NUDT14: variants seen among roughly 807,000 people sequenced by gnomAD.
NUDT14 encodes uridine diphosphate glucose pyrophosphatase NUDT14.
A neutral mutation model predicts 17.5 loss-of-function variants in NUDT14; 22 were observed. The observed-to-expected ratio is 1.26, with a 90% CI of 0.90 to 1.80. The LOEUF (loss-of-function observed/expected upper bound fraction) is 1.80. Ranked by LOEUF, NUDT14 falls within the 40% of genes most tolerant of loss-of-function variation. The probability of loss-of-function intolerance (pLI) is 0.00; values close to 1 mark genes in which losing one functional copy is unlikely to be tolerated. For synonymous variants in NUDT14, 129 were observed against 125.8 expected, an observed-to-expected ratio of 1.03 and a Z score of -0.17; for missense variants, 296 against 295.6, an observed-to-expected ratio of 1.00 and a Z score of -0.01.
chr14:105,175,133 G>A (rs904845733), intron 4 of NUDT14, among the ~76,000 whole-genome samples: 8 of 152,294 alleles, frequency 5.3e-5, no homozygotes, highest in East Asian at 1.9e-4. Flanking sequence ...TAGAACCACC[G>A]CGGCCAGGGC....
intron 1 of NUDT14, among the ~76,000 whole-genome samples, chr14:105,178,832 G>A (rs1202256525): frequency 1.3e-5 from 2 of 152,212 alleles, no homozygotes; most frequent in African/African-American, 2.4e-5. Context: ...AGGCAGAGGC[G>A]CAGAGGCCCT....
rs1889229176 is a variant in NUDT14 at position 105,177,013 on chromosome 14, A to T, written c.140T>A (p.Leu47Ter). Reference protein sequence around the residue: ...MKTHDSVTVLLFNSSRRSLVL... With the variant: ...MKTHDSVTVL ...CAGGCTCCTCCGAGAAGAGTTGAAT[A>T]AGAGAACGGTCACGCTGTGTACGGG... Residue 47 changes from leucine (L) to a stop codon, truncating the protein, a stop_gained, in exon 3 of 5, where the codon TTA (leucine) becomes TAA (stop). Transcript: ENST00000392568. LOFTEE classifies it high-confidence loss of function. 6.2e-7 allele frequency: 1 copy of T among 1,611,858 alleles called. No homozygotes were observed. Among genetic ancestry groups the T allele is most frequent in the Admixed American group, 1.7e-5 (1 of 59,988 alleles).
intron 1 of NUDT14, among the ~76,000 whole-genome samples, chr14:105,179,601 C>T (rs932448159): frequency 3.3e-5 from 5 of 152,242 alleles, no homozygotes; most frequent in African/African-American, 1.2e-4. Context: ...CCTGGGCCTG[C>T]ACCTGCTGCC....
rs1185470976 is a variant in NUDT14, at chr14:105,181,220, G to T, written c.-11C>A. Reference sequence around the variant, plus strand: ...CTCGATGCGCTCCATGGCGGCGCCCGGACAGGCGGGGGCCGCGAGCTCTGC... The same window carrying T: ...CTCGATGCGCTCCATGGCGGCGCCCTGACAGGCGGGGGCCGCGAGCTCTGC... On this transcript the variant is annotated 5_prime_UTR_variant, in exon 1 of 5. Transcript: ENST00000392568. The surrounding 1 kb of genome is among the most constrained non-coding windows in gnomAD (Gnocchi z 5.0). 3 of 1,070,240 alleles carry T rather than the reference G, an allele frequency of 2.8e-6. No homozygotes were observed. The highest frequency in any genetic ancestry group is 2.3e-6 in the Non-Finnish European group (2 of 867,948). The allele number at this position is 1,070,240 out of a possible 1,614,324, so 66.3% of individuals were successfully genotyped here. A position where few individuals can be genotyped will look rare whatever the true frequency, so the allele number is the denominator to read the frequency against.
intron 4 of NUDT14, among the ~76,000 whole-genome samples, chr14:105,174,145 G>A (rs1370026464): frequency 6.6e-6 from 1 of 152,118 alleles, no homozygotes; most frequent in Non-Finnish European, 1.5e-5. Context: ...GGAGGGGTAA[G>A]AGGAAGCCCC....
rs1889201960 is a variant in NUDT14 at position 105,175,882 on chromosome 14, G to C, written c.428+652C>G. Reference sequence around the variant, plus strand: ...CCCAGTGGAGCGGGCCCTGGCCTCTGGAGGAGGCTGTGGAGGCTGGTGCTC... The same window carrying C: ...CCCAGTGGAGCGGGCCCTGGCCTCTCGAGGAGGCTGTGGAGGCTGGTGCTC... On this transcript the variant is annotated intron_variant, in intron 4 of 4. Coordinates refer to ENST00000392568, the MANE Select transcript of NUDT14 (RefSeq NM_177533.5). 5.1e-6 allele frequency: 6 copies of C among 1,169,202 alleles called. No homozygotes were observed. In the South Asian group the frequency reaches 7.8e-5, roughly 15 times the overall value. 72.4% of individuals were successfully genotyped at this position (1,169,202 alleles called of 1,614,324 possible). A position where few individuals can be genotyped will look rare whatever the true frequency, so the allele number is the denominator to read the frequency against.
At chr14:105,177,238 T>C in intron 2 of NUDT14, 1 of 650,346 alleles carries the variant, frequency 1.5e-6, no homozygotes, top group Non-Finnish European at 2.8e-6. Context: ...ACCTGCTGTA[T>C]TCCAGCTGGC....
intron 4 of NUDT14, chr14:105,175,848 G>T: frequency 2.8e-6 from 3 of 1,077,872 alleles, no homozygotes; most frequent in Non-Finnish European, 3.4e-6. Context: ...AGAGACTTCC[G>T]GTGCTTCTCC....
In NUDT14 at chr14:105,178,760, G is replaced by A. The variant is rs587689648; in HGVS notation, c.82-1025C>T. Among the ~76,000 whole-genome samples the A allele has an allele frequency of 8.9e-4, 135 of 152,340 alleles. 1 individual carries two copies. In the Middle Eastern group the frequency reaches 0.01, roughly 12 times the overall value. On this transcript the variant is annotated intron_variant, in intron 1 of 4. Transcript: ENST00000392568. The stretch of plus-strand genomic sequence containing the variant: ...AGTGCAGCCAGGACTGCAGAAGAGA[G>A]AAGAAGCCTTCCTGAGGACTTTCTG...
At chr14:105,176,051 GCAGC>G in intron 4 of NUDT14, 2 of 1,192,576 alleles carry the variant, frequency 1.7e-6, no homozygotes, top group Non-Finnish European at 2.1e-6. Flanking sequence ...ACCCCAGCTG[GCAGC>G]CCTCGCGGGG....
intron 1 of NUDT14, among the ~76,000 whole-genome samples, chr14:105,180,248 T>G (rs923583776): frequency 6.6e-6 from 1 of 152,100 alleles, no homozygotes; most frequent in African/African-American, 2.4e-5. Flanking sequence ...GGAGGATCGG[T>G]TGAGGCCAGA....
chr14:105,178,932 GCCCGAGAGGCCGTGGGGTACCACT>G (rs1324893383), intron 1 of NUDT14, among the ~76,000 whole-genome samples: 2 of 152,124 alleles, frequency 1.3e-5, no homozygotes, highest in Admixed American at 6.5e-5. Flanking sequence ...AGGTCAGGCA[GCCCGAGAGGCCGTGGGGTACCACT>G]CCCGGGAGGC....
chr14:105,179,668 C>T (rs755261192), intron 1 of NUDT14, among the ~76,000 whole-genome samples: 40 of 152,234 alleles, frequency 2.6e-4, no homozygotes, highest in Non-Finnish European at 1.5e-4. Context: ...ATATGGCCAA[C>T]GTCAGGGAAA....
intron 1 of NUDT14, among the ~76,000 whole-genome samples, 194 bp downstream of exon 1, chr14:105,180,935 C>G (rs1348928643): frequency 6.6e-6 from 1 of 152,082 alleles, no homozygotes; most frequent in Non-Finnish European, 1.5e-5. Context: ...CCCGCGGCCC[C>G]TCCCCGGCCT....
Position 105,173,480 on chromosome 14 carries a change from C to T in NUDT14, c.429-219G>A, listed in dbSNP as rs182921658. On this transcript the variant is annotated intron_variant, in intron 4 of 4. Coordinates refer to ENST00000392568, the MANE Select transcript of NUDT14 (RefSeq NM_177533.5). This position sits in a 1 kb window ranked among gnomAD's most constrained non-coding sequence, Gnocchi z 4.7. ...CCCTTCCCTGATCACGTTGTACTCG[C>T]CAGGTGGGGTGGGTGTTGTCGATGT... is the stretch of plus-strand genomic sequence containing the variant. 21 of 422,530 alleles carry T rather than the reference C, an allele frequency of 5.0e-5. No homozygotes were observed. In the East Asian group the frequency reaches 6.5e-4, roughly 13 times the overall value. The allele number at this position is 422,530 out of a possible 1,614,324, so 26.2% of individuals were successfully genotyped here.
At chr14:105,174,456 G>A (rs953659101) in intron 4 of NUDT14, among the ~76,000 whole-genome samples, 3 of 152,020 alleles carry the variant, frequency 2.0e-5, no homozygotes, top group African/African-American at 7.2e-5. Context: ...GGTAGAGGCC[G>A]CCCTCTGAGA....
chr14:105,177,815 T>A, intron 1 of NUDT14, 80 bp from the exon 2 acceptor site: 1 of 1,303,198 alleles, frequency 7.7e-7, no homozygotes, highest in East Asian at 2.3e-5. Flanking sequence ...ACAGACCCAT[T>A]GCACCCACTC....
rs1164301372 is a variant in NUDT14 at position 105,181,279 on chromosome 14, A to T, written c.-70T>A. 1.1e-3 allele frequency: 645 copies of T among 614,022 alleles called. 3 individuals carry two copies. Among genetic ancestry groups the T allele is most frequent in the African/African-American group, 9.4e-3 (455 of 48,574 alleles). The allele number at this position is 614,022 out of a possible 1,614,324, so 38.0% of individuals were successfully genotyped here. On this transcript the variant is annotated 5_prime_UTR_variant, in exon 1 of 5. Coordinates refer to ENST00000392568, the MANE Select transcript of NUDT14 (RefSeq NM_177533.5). The surrounding 1 kb of genome is among the most constrained non-coding windows in gnomAD (Gnocchi z 5.0). The stretch of plus-strand genomic sequence containing the variant: ...ACACGGGGCGGCGCCCTGTCCCGAC[A>T]GGAGCCTTCGGGCGGGCGCGTGACC...
At chr14:105,180,416 TG>T (rs1370962495) in intron 1 of NUDT14, among the ~76,000 whole-genome samples, 1 of 152,136 alleles carries the variant, frequency 6.6e-6, no homozygotes, top group East Asian at 1.9e-4. Flanking sequence ...TGCAGTGAGC[TG>T]TGACCATGCC....
Sources: allele counts gnomAD v4.1 joint callset (sites outside exome capture counted in the v4.1 genomes callset), GRCh38; gene constraint gnomAD v4.1.1; non-coding constraint Gnocchi (gnomAD v3.1); transcripts MANE v1.5; gene names NCBI Gene and HGNC (gene_info 2026-07-23, HGNC 2026-07-21).